PCDH11X: variants seen among roughly 807,000 people sequenced by gnomAD.
The protein encoded by PCDH11X is protocadherin-11 X-linked.
PCDH11X carries 18 observed loss-of-function variants against 53.3 expected under a neutral mutation model. That is an observed-to-expected ratio of 0.34 (90% CI 0.23 to 0.50). The LOEUF (loss-of-function observed/expected upper bound fraction) is 0.50, where lower values mean the gene tolerates loss of function less well. Among genes scored for constraint, PCDH11X ranks in the 20% least tolerant of loss-of-function variants. The pLI, the probability that PCDH11X is intolerant of heterozygous loss-of-function variation, is 0.98. For synonymous variants in PCDH11X, 279 were observed against 393.3 expected (o/e 0.71, Z 3.44); for missense variants, 570 against 1,032.4 (o/e 0.55, Z 6.14).
At chrX:91,927,135 A>G (rs1024570736) in intron 6 of PCDH11X, among the ~76,000 whole-genome samples, 1 of 108,716 alleles carries the variant, frequency 9.2e-6, no homozygotes, top group African/African-American at 3.3e-5. Context: ...AATGTGCTAA[A>G]TAATACACTC....
At chrX:92,270,061 G>A (rs1603244800) in intron 8 of PCDH11X, among the ~76,000 whole-genome samples, 1 of 107,699 alleles carries the variant, frequency 9.3e-6, no homozygotes, top group Non-Finnish European at 1.9e-5. Flanking sequence ...GTAACTTCAT[G>A]TTCATTAAGT....
rs1389020920 is a variant in PCDH11X, at chrX:92,348,526, T to G, written c.3145-39209T>G. ...TCAAAATTATCATTATTATTATTAT[T>G]ATTATTATTATTATTATTATTATTT... On this transcript the variant is annotated intron_variant, in intron 8 of 10. Transcript: ENST00000682573. Among the ~76,000 whole-genome samples the G allele has an allele frequency of 4.8e-3, 501 of 104,655 alleles. 1 individual carries two copies. The highest frequency in any genetic ancestry group is 6.2e-3 in the African/African-American group (179 of 28,801). The allele number at this position is 104,655 out of a possible 115,157, so 90.9% of individuals were successfully genotyped here.
intron 6 of PCDH11X, among the ~76,000 whole-genome samples, chrX:92,121,742 T>TTTA (rs1214121070): frequency 2.1e-5 from 2 of 94,470 alleles, no homozygotes; most frequent in Admixed American, 1.2e-4. Flanking sequence ...TTATTTATTT[T>TTTA]TTGAGATGGA....
In PCDH11X at chrX:92,375,161, TATA is replaced by T. The variant is rs1211725969; in HGVS notation, c.3145-12573_3145-12571del. 2.7e-3 allele frequency among the ~76,000 whole-genome samples: 42 copies of T among 15,500 alleles called. 1 individual carries two copies. In the East Asian group the frequency reaches 0.037, roughly 14 times the overall value. 13.5% of individuals were successfully genotyped at this position (15,500 alleles called of 115,157 possible). On this transcript the variant is annotated intron_variant, in intron 8 of 10. Transcript: ENST00000682573. ...ATTCATTTATATATATATATATATA[TATA>T]TATTTTTTTTTTTTTTTTTTTTTTT...
chrX:92,167,092 C>T (rs908041542), intron 6 of PCDH11X, among the ~76,000 whole-genome samples: 5 of 109,255 alleles, frequency 4.6e-5, no homozygotes, highest in African/African-American at 1.7e-4. Context: ...AATGTACTAT[C>T]CTCAATTATA....
At chrX:92,011,208 C>A (rs1205785749) in intron 6 of PCDH11X, among the ~76,000 whole-genome samples, 1 of 111,779 alleles carries the variant, frequency 8.9e-6, no homozygotes, top group Non-Finnish European at 1.9e-5. Flanking sequence ...GTCTTTATGG[C>A]AGAACAATTT....
At chrX:92,584,130 C>T (rs1485119220) in intron 10 of PCDH11X, among the ~76,000 whole-genome samples, 1 of 110,022 alleles carries the variant, frequency 9.1e-6, no homozygotes, top group African/African-American at 3.3e-5. Context: ...CTAACTAAAA[C>T]AGTGTCCAGA....
chrX:92,097,460 T>C (rs1411574518), intron 6 of PCDH11X, among the ~76,000 whole-genome samples: 2 of 107,449 alleles, frequency 1.9e-5, no homozygotes, highest in Non-Finnish European at 3.9e-5. Context: ...TGCGGGGAAA[T>C]ATATTTTTTT....
intron 10 of PCDH11X, among the ~76,000 whole-genome samples, chrX:92,482,202 A>T (rs1338629652): frequency 8.9e-6 from 1 of 111,785 alleles, no homozygotes; most frequent in African/African-American, 3.3e-5. Flanking sequence ...ATCACAAATA[A>T]TTTAGCACTG....
At chrX:91,988,495 C>G (rs1230244368) in intron 6 of PCDH11X, among the ~76,000 whole-genome samples, 1 of 111,896 alleles carries the variant, frequency 8.9e-6, no homozygotes, top group East Asian at 2.8e-4. Context: ...TAACCATAAA[C>G]TAATTATAGC....
At chrX:92,466,217 A>G (rs939612626) in intron 9 of PCDH11X, among the ~76,000 whole-genome samples, 5 of 111,079 alleles carry the variant, frequency 4.5e-5, no homozygotes, top group African/African-American at 1.3e-4. Context: ...AATTAGTTTC[A>G]GTCATAATGA....
At position 92,618,487 on chromosome X, in the gene PCDH11X, C is replaced by T. The variant is rs1309391729; in HGVS notation, c.3591C>T (p.His1197=). Residue 1197 remains histidine (H), a synonymous_variant, in exon 11 of 11, where the codon CAC becomes CAT. Transcript: ENST00000682573. The part of the protein sequence containing the change: ...PRVTQTIALC[H]SPPVTQTIAL... Reference sequence around the variant, plus strand: ...TGACACAGACCATTGCTCTCTGCCACAGCCCTCCAGTGACACAGACCATCG... The same window carrying T: ...TGACACAGACCATTGCTCTCTGCCATAGCCCTCCAGTGACACAGACCATCG... 2 of 1,211,882 alleles carry T rather than the reference C, an allele frequency of 1.7e-6. No homozygotes were observed. The highest frequency in any genetic ancestry group is 2.2e-6 in the Non-Finnish European group (2 of 895,492).
At chrX:91,954,406 G>A (rs1238079895) in intron 6 of PCDH11X, among the ~76,000 whole-genome samples, 2 of 111,285 alleles carry the variant, frequency 1.8e-5, no homozygotes, top group Admixed American at 1.9e-4. Flanking sequence ...TGTGAATAGT[G>A]CTGCAATGAA....
At position 92,114,247 on chromosome X, in the gene PCDH11X, A is replaced by G. The variant is rs1378750087; in HGVS notation, c.3034-87128A>G. The G allele has an allele frequency of 3.0e-5, 29 of 952,760 alleles. 1 individual carries two copies. The highest frequency in any genetic ancestry group is 4.1e-5 in the Non-Finnish European group (27 of 662,726). 78.5% of individuals were successfully genotyped at this position (952,760 alleles called of 1,213,427 possible). A position where few individuals can be genotyped will look rare whatever the true frequency, so the allele number is the denominator to read the frequency against. Reference sequence around the variant, plus strand: ...AGTCCCAGATCAGGCTTGAGCGATTACATTATAACCCCTGATACAAGGTAG... The same window carrying G: ...AGTCCCAGATCAGGCTTGAGCGATTGCATTATAACCCCTGATACAAGGTAG... On this transcript the variant is annotated intron_variant, in intron 6 of 10. Transcript: ENST00000682573.
intron 9 of PCDH11X, among the ~76,000 whole-genome samples, chrX:92,413,680 G>T (rs1311854624): frequency 9.1e-6 from 1 of 109,890 alleles, no homozygotes; most frequent in Non-Finnish European, 1.9e-5. Flanking sequence ...CGTTGTGACA[G>T]GCTGGGAAGG....
At chrX:91,829,311 A>T (rs1360750875) in intron 4 of PCDH11X, among the ~76,000 whole-genome samples, 2 of 108,850 alleles carry the variant, frequency 1.8e-5, no homozygotes, top group Non-Finnish European at 3.8e-5. Flanking sequence ...CTGTTTTATT[A>T]ATTCATGGAA....
chrX:92,449,268 C>T (rs1408454337), intron 9 of PCDH11X, among the ~76,000 whole-genome samples: 1 of 111,841 alleles, frequency 8.9e-6, no homozygotes, highest in Non-Finnish European at 1.9e-5. Context: ...TTGAGAACTA[C>T]ACAACTTTCA....
At chrX:92,502,423 A>G (rs2073976798) in intron 10 of PCDH11X, among the ~76,000 whole-genome samples, 1 of 109,311 alleles carries the variant, frequency 9.1e-6, no homozygotes, top group Admixed American at 9.8e-5. Flanking sequence ...AAGTTAATCC[A>G]TAGCAAAAAG....
intron 10 of PCDH11X, among the ~76,000 whole-genome samples, chrX:92,518,891 G>C (rs1404871830): frequency 9.3e-6 from 1 of 107,304 alleles, no homozygotes; most frequent in East Asian, 2.9e-4. Flanking sequence ...CGAGTAGCTG[G>C]GACTACAAGT....
Sources: allele counts gnomAD v4.1 joint callset (sites outside exome capture counted in the v4.1 genomes callset), GRCh38; gene constraint gnomAD v4.1.1; transcripts MANE v1.5; gene names NCBI Gene and HGNC (gene_info 2026-07-23, HGNC 2026-07-21).